Variants in CACNA2D3 observed in about 807,000 individuals in gnomAD.
The protein encoded by CACNA2D3 is voltage-dependent calcium channel subunit alpha-2/delta-3.
A neutral mutation model predicts 160.6 loss-of-function variants in CACNA2D3; 60 were observed. That is an observed-to-expected ratio of 0.37 (90% CI 0.30 to 0.46). The LOEUF is 0.46. Among genes scored for constraint, CACNA2D3 ranks in the 20% least tolerant of loss-of-function variants. CACNA2D3 has a pLI of 1.00. For synonymous variants in CACNA2D3, 558 were observed against 492.9 expected (o/e 1.13, Z -1.75); for missense variants, 1,205 against 1,365.0 (o/e 0.88, Z 1.85).
At chr3:54,267,331 G>A (rs541167725) in intron 2 of CACNA2D3, among the ~76,000 whole-genome samples, 1 of 152,284 alleles carries the variant, frequency 6.6e-6, no homozygotes, top group Non-Finnish European at 1.5e-5. Flanking sequence ...GTGACTTGCT[G>A]AAGTTGCAAA....
At chr3:54,848,508 A>G (rs1222797576) in intron 17 of CACNA2D3, among the ~76,000 whole-genome samples, 3 of 152,006 alleles carry the variant, frequency 2.0e-5, no homozygotes, top group South Asian at 2.1e-4. Context: ...AACATAAGGA[A>G]TGATCAGACC....
intron 3 of CACNA2D3, among the ~76,000 whole-genome samples, chr3:54,321,230 G>A (rs1703984120): frequency 6.6e-6 from 1 of 151,890 alleles, no homozygotes; most frequent in Admixed American, 6.6e-5. Flanking sequence ...TGAGGCAGGA[G>A]AATTGCTTGA....
At chr3:54,875,924 G>A (rs570948836) in intron 18 of CACNA2D3, among the ~76,000 whole-genome samples, 1 of 152,260 alleles carries the variant, frequency 6.6e-6, no homozygotes, top group East Asian at 1.9e-4. Context: ...CCACACTTGC[G>A]AATGCTTGAT....
At chr3:54,458,430 T>C (rs1341577199) in intron 4 of CACNA2D3, among the ~76,000 whole-genome samples, 1 of 151,834 alleles carries the variant, frequency 6.6e-6, no homozygotes, top group Non-Finnish European at 1.5e-5. Flanking sequence ...ATACAGCTTT[T>C]GGGTATATTT....
chr3:54,193,536 A>T (rs1047649584), intron 2 of CACNA2D3, among the ~76,000 whole-genome samples: 6 of 152,160 alleles, frequency 3.9e-5, no homozygotes, highest in African/African-American at 1.4e-4. Context: ...AATCTTCATA[A>T]CTGCCCCATT....
At chr3:54,327,716 G>T (rs1704147989) in intron 3 of CACNA2D3, among the ~76,000 whole-genome samples, 1 of 152,166 alleles carries the variant, frequency 6.6e-6, no homozygotes, top group Non-Finnish European at 1.5e-5. Flanking sequence ...ATCACAGCAT[G>T]AAGAAATAAG....
intron 2 of CACNA2D3, among the ~76,000 whole-genome samples, chr3:54,304,340 C>T (rs1345530685): frequency 1.3e-5 from 2 of 152,082 alleles, no homozygotes; most frequent in African/African-American, 4.8e-5. Context: ...ATGAGGGCCC[C>T]TGGGTTGTCA....
At chr3:54,567,220 C>A (rs1309485451) in intron 6 of CACNA2D3, among the ~76,000 whole-genome samples, 5 of 152,204 alleles carry the variant, frequency 3.3e-5, no homozygotes, top group Admixed American at 3.3e-4. Context: ...AGACATTTTA[C>A]AGCCAAGTTT....
At position 54,854,457 on chromosome 3, in the gene CACNA2D3, A is replaced by G. The variant is rs566754996; in HGVS notation, c.1626+7990A>G. 3.0e-4 allele frequency among the ~76,000 whole-genome samples: 45 copies of G among 152,242 alleles called. 1 individual carries two copies. Among genetic ancestry groups the G allele is most frequent in the Middle Eastern group, 6.8e-3 (2 of 294 alleles). ...CTTTCTGCAAACCTTGAGAACCCAC[A>G]GCTCCTGTGACTGGGTGTGTGCTTG... On this transcript the variant is annotated intron_variant, in intron 17 of 37. Coordinates refer to ENST00000474759, the MANE Select transcript of CACNA2D3 (RefSeq NM_018398.3).
chr3:54,812,756 C>G (rs1398396699), intron 13 of CACNA2D3, among the ~76,000 whole-genome samples: 2 of 152,318 alleles, frequency 1.3e-5, no homozygotes, highest in African/African-American at 4.8e-5. Flanking sequence ...TGGGTCCACA[C>G]AGAGCCTTGT....
Position 54,461,613 on chromosome 3 carries a change from G to C in CACNA2D3, c.382-41879G>C, listed in dbSNP as rs569775240. Among the ~76,000 whole-genome samples, 352 of 151,758 alleles carry C rather than the reference G, an allele frequency of 2.3e-3. 10 individuals are homozygous for C. The highest frequency in any genetic ancestry group is 3.7e-3 in the Non-Finnish European group (254 of 67,860). ...TGATAGTTTGTATTTCTGTGGAATCGGTGGTGATATCCCCTTTATCGTTTT... is the reference window on the plus strand; with the variant it reads ...TGATAGTTTGTATTTCTGTGGAATCCGTGGTGATATCCCCTTTATCGTTTT... On this transcript the variant is annotated intron_variant, in intron 4 of 37. Coordinates refer to ENST00000474759, the MANE Select transcript of CACNA2D3 (RefSeq NM_018398.3).
intron 13 of CACNA2D3, among the ~76,000 whole-genome samples, chr3:54,774,063 A>T (rs1702372329): frequency 6.6e-6 from 1 of 152,236 alleles, no homozygotes; most frequent in Non-Finnish European, 1.5e-5. Flanking sequence ...ATGATGGCTT[A>T]TTCAGCACTC....
rs114935411 is a variant in CACNA2D3, at chr3:54,678,938, A to G, written c.1167+36697A>G. 2.5e-3 allele frequency among the ~76,000 whole-genome samples: 387 copies of G among 152,288 alleles called. 1 individual carries two copies. Among genetic ancestry groups the G allele is most frequent in the African/African-American group, 9.0e-3 (375 of 41,560 alleles). On this transcript the variant is annotated intron_variant, in intron 11 of 37. Transcript: ENST00000474759. ...ATCCCAAGGAATTTTGTTTTCTATA[A>G]TGCAAGATTTCAAAATTCAGGAATA...
intron 5 of CACNA2D3, among the ~76,000 whole-genome samples, chr3:54,551,284 C>T (rs113953317): frequency 4.6e-5 from 7 of 152,300 alleles, no homozygotes; most frequent in Admixed American, 3.3e-4. Context: ...GGTCAAAGGC[C>T]GTGTCTGGTT....
chr3:54,862,501 GAAGA>G (rs1699314434), intron 17 of CACNA2D3, among the ~76,000 whole-genome samples: 1 of 152,130 alleles, frequency 6.6e-6, no homozygotes, highest in African/African-American at 2.4e-5. Flanking sequence ...AGTTGGCTTG[GAAGA>G]AAGAATTTCT....
chr3:54,276,094 A>C (rs569018067), intron 2 of CACNA2D3, among the ~76,000 whole-genome samples: 18 of 152,110 alleles, frequency 1.2e-4, no homozygotes, highest in Non-Finnish European at 2.2e-4. Flanking sequence ...CCCCGATTGA[A>C]TGCCCCTCCC....
At position 54,541,001 on chromosome 3, in the gene CACNA2D3, A is replaced by G. The variant is rs191860323; in HGVS notation, c.545-21799A>G. On this transcript the variant is annotated intron_variant, in intron 5 of 37. Transcript: ENST00000474759. ...TGTCCTTTTAAGAAAAGGGAGGCCG[A>G]GCGTGGTGGCTCACGCCTGTAATCC... 2.7e-3 allele frequency among the ~76,000 whole-genome samples: 412 copies of G among 152,212 alleles called. 2 individuals carry two copies. The highest frequency in any genetic ancestry group is 0.01 in the Admixed American group (158 of 15,288).
At chr3:54,835,390 G>A (rs1021173406) in intron 14 of CACNA2D3, among the ~76,000 whole-genome samples, 3 of 152,176 alleles carry the variant, frequency 2.0e-5, no homozygotes, top group African/African-American at 2.4e-5. Flanking sequence ...TTGGAATGGG[G>A]CCTGAGACTA....
intron 2 of CACNA2D3, among the ~76,000 whole-genome samples, chr3:54,274,519 G>A (rs1459558320): frequency 6.6e-6 from 1 of 152,150 alleles, no homozygotes; most frequent in Non-Finnish European, 1.5e-5. Flanking sequence ...CATTGTATTA[G>A]TTATCTATTG....
Sources: allele counts gnomAD v4.1 joint callset (sites outside exome capture counted in the v4.1 genomes callset), GRCh38; gene constraint gnomAD v4.1.1; transcripts MANE v1.5; gene names NCBI Gene and HGNC (gene_info 2026-07-23, HGNC 2026-07-21).